The following PPEF1 variants were observed in gnomAD, a reference collection of about 807,000 sequenced individuals.
PPEF1 encodes serine/threonine-protein phosphatase with EF-hands 1.
In PPEF1, 12 loss-of-function variants were observed where a neutral mutation model predicts 53.3. The observed-to-expected ratio is 0.23, with a 90% CI of 0.14 to 0.36. The LOEUF (loss-of-function observed/expected upper bound fraction) is 0.36. Among genes scored for constraint, PPEF1 ranks in the 10% least tolerant of loss-of-function variants. The pLI, the probability that PPEF1 is intolerant of heterozygous loss-of-function variation, is 1.00. For synonymous variants in PPEF1, 165 were observed against 176.7 expected, an observed-to-expected ratio of 0.93 and a Z score of 0.52; for missense variants, 334 against 490.4, an observed-to-expected ratio of 0.68 and a Z score of 3.01.
chrX:18,821,790 AGAGAGAGAGAG>A (rs749128375), intron 13 of PPEF1, among the ~76,000 whole-genome samples: 20,211 of 58,539 alleles, frequency 0.35, 1,686 homozygotes, highest in Non-Finnish European at 0.41. Context: ...AGAGAGAGAG[AGAGAGAGAGAG>A]AGAAAACAAA....
intron 15 of PPEF1, among the ~76,000 whole-genome samples, chrX:18,826,052 A>C (rs1456958566): frequency 8.9e-6 from 1 of 112,093 alleles, no homozygotes; most frequent in Non-Finnish European, 1.9e-5. Context: ...AACAGACTAG[A>C]CTAAAAGTCA....
chrX:18,793,034 C>T (rs1320266787), intron 10 of PPEF1, among the ~76,000 whole-genome samples: 1 of 108,700 alleles, frequency 9.2e-6, no homozygotes, highest in Non-Finnish European at 1.9e-5. Context: ...ATTTTCCTGC[C>T]TCATAATCTT....
chrX:18,815,970 G>A (rs1349996215), intron 12 of PPEF1, among the ~76,000 whole-genome samples: 4 of 106,938 alleles, frequency 3.7e-5, no homozygotes, highest in Middle Eastern at 4.9e-3. Flanking sequence ...GCGTGATCTC[G>A]GTTCACTGCA....
chrX:18,809,031 A>C (rs903856885), intron 12 of PPEF1, among the ~76,000 whole-genome samples: 1 of 110,100 alleles, frequency 9.1e-6, no homozygotes, highest in Admixed American at 9.9e-5. Flanking sequence ...CAGAAAAAGA[A>C]AGTGTGACTG....
chrX:18,699,161 C>T (rs1023925879), intron 5 of PPEF1, among the ~76,000 whole-genome samples: 1 of 111,174 alleles, frequency 9.0e-6, no homozygotes, highest in Non-Finnish European at 1.9e-5. Context: ...CTACTCTTGG[C>T]GTCCCCACCA....
chrX:18,722,100 A>G (rs1248425601), intron 1 of PPEF1, among the ~76,000 whole-genome samples: 1 of 112,048 alleles, frequency 8.9e-6, no homozygotes, highest in Admixed American at 9.5e-5. Context: ...GTGAAGTCAG[A>G]AGTCTCACTG....
chrX:18,755,475 G>A (rs1045746140), intron 4 of PPEF1, among the ~76,000 whole-genome samples: 1 of 111,946 alleles, frequency 8.9e-6, no homozygotes, highest in Non-Finnish European at 1.9e-5. Context: ...GCTGAGGCAC[G>A]ATAATCACTT....
intron 12 of PPEF1, among the ~76,000 whole-genome samples, chrX:18,817,504 G>C (rs1304161683): frequency 9.0e-6 from 1 of 110,597 alleles, no homozygotes; most frequent in East Asian, 2.8e-4. Context: ...ACCATGCCCA[G>C]CTAATTTTTG....
chrX:18,732,956 C>T (rs1470856145), intron 2 of PPEF1, among the ~76,000 whole-genome samples: 1 of 111,911 alleles, frequency 8.9e-6, no homozygotes, highest in Non-Finnish European at 1.9e-5. Flanking sequence ...GTAATCCTAG[C>T]ACTTTGGGAG....
chrX:18,734,814 A>G (rs780616019), intron 3 of PPEF1, among the ~76,000 whole-genome samples: 42 of 111,377 alleles, frequency 3.8e-4, no homozygotes, highest in African/African-American at 1.2e-3. Context: ...TTTAATGATC[A>G]CCATTCTAAC....
At chrX:18,749,769 C>G in intron 3 of PPEF1, 23 bp from the exon 4 acceptor site, 1 of 556,449 alleles carries the variant, frequency 1.8e-6, no homozygotes, top group Non-Finnish European at 2.5e-6. Context: ...CCCCACCCCC[C>G]CGTTCTGTCC....
intron 13 of PPEF1, among the ~76,000 whole-genome samples, chrX:18,820,639 C>T (rs949588029): frequency 7.2e-5 from 8 of 110,715 alleles, no homozygotes; most frequent in Admixed American, 2.9e-4. Flanking sequence ...CCCGCCTTGG[C>T]CTCCCAAAGT....
At chrX:18,703,154 C>G (rs1201867073), upstream of PPEF1, among the ~76,000 whole-genome samples, 1 of 111,173 alleles carries the variant, frequency 9.0e-6, no homozygotes, top group Non-Finnish European at 1.9e-5. Flanking sequence ...TTCCCTCTCT[C>G]CTGGAAGTCT....
At chrX:18,769,102 C>T (rs1362576039) in intron 6 of PPEF1, among the ~76,000 whole-genome samples, 1 of 111,309 alleles carries the variant, frequency 9.0e-6, no homozygotes, top group Non-Finnish European at 1.9e-5. Flanking sequence ...TTTGGTTGTC[C>T]TTAAAAATTG....
intron 14 of PPEF1, among the ~76,000 whole-genome samples, chrX:18,825,046 A>T (rs771183959): frequency 2.2e-3 from 228 of 102,179 alleles, no homozygotes; most frequent in African/African-American, 7.9e-3. Context: ...ACTTGCTGAC[A>T]TGACCCAGAA....
upstream of PPEF1, among the ~76,000 whole-genome samples, chrX:18,705,331 A>C (rs1458587950): frequency 8.9e-6 from 1 of 112,048 alleles, no homozygotes. Context: ...GTGGGATGCC[A>C]CAGGGCTCAT....
upstream of PPEF1, among the ~76,000 whole-genome samples, chrX:18,702,687 A>G (rs750458967): frequency 3.6e-5 from 4 of 109,999 alleles, no homozygotes; most frequent in South Asian, 1.6e-3. Flanking sequence ...ATGGAAAATT[A>G]TCAGTTCCAC....
At chrX:18,698,416 T>C (rs1602351546) in intron 5 of PPEF1, among the ~76,000 whole-genome samples, 1 of 112,340 alleles carries the variant, frequency 8.9e-6, no homozygotes, top group South Asian at 3.6e-4. Context: ...GAGTTTTTTT[T>C]CCCTGCTTTC....
intron 12 of PPEF1, among the ~76,000 whole-genome samples, chrX:18,814,823 T>C (rs1354772965): frequency 2.7e-5 from 3 of 112,209 alleles, no homozygotes; most frequent in Non-Finnish European, 5.6e-5. Context: ...TTTCTTTTGC[T>C]GTGCAGAAGT....
Sources: allele counts gnomAD v4.1 joint callset (sites outside exome capture counted in the v4.1 genomes callset), GRCh38; gene constraint gnomAD v4.1.1; transcripts MANE v1.5; gene names NCBI Gene and HGNC (gene_info 2026-07-23, HGNC 2026-07-21).